Variants in ST6GALNAC5 observed in about 807,000 individuals in gnomAD.
ST6GALNAC5 encodes the protein ST6 N-acetylgalactosaminide alpha-2,6-sialyltransferase 5.
Under a neutral mutation model 33.6 loss-of-function variants are expected in ST6GALNAC5, and 27 were observed. The observed-to-expected ratio is 0.80, with a 90% CI of 0.59 to 1.11. The LOEUF (loss-of-function observed/expected upper bound fraction) is 1.11. Among genes scored for constraint, ST6GALNAC5 ranks in the 50% least tolerant of loss-of-function variants. The probability of loss-of-function intolerance (pLI) is 0.00; values close to 1 mark genes in which losing one functional copy is unlikely to be tolerated. For synonymous variants in ST6GALNAC5, 194 were observed against 171.2 expected (o/e 1.13, Z -1.04); for missense variants, 428 against 454.0 (o/e 0.94, Z 0.52).
intron 2 of ST6GALNAC5, among the ~76,000 whole-genome samples, chr1:76,947,283 C>T (rs1647554897): frequency 6.6e-6 from 1 of 152,026 alleles, no homozygotes; most frequent in Admixed American, 6.6e-5. Context: ...TAAGCTCTTT[C>T]AACGAAATAA....
At chr1:77,016,161 T>TCCTCCTCCTCCTCTATCTCCTCCC (rs1557762246) in intron 2 of ST6GALNAC5, among the ~76,000 whole-genome samples, 495 of 11,288 alleles carry the variant, frequency 0.044, 228 homozygotes, top group African/African-American at 0.17. Flanking sequence ...TATCTTCCCC[T>TCCTCCTCCTCCTCTATCTCCTCCC]CCTCCTCCTC....
At chr1:77,026,911 C>T (rs1177431329) in intron 2 of ST6GALNAC5, among the ~76,000 whole-genome samples, 1 of 152,182 alleles carries the variant, frequency 6.6e-6, no homozygotes, top group Non-Finnish European at 1.5e-5. Context: ...CAGGCTTGTC[C>T]CCAAACTGAT....
At chr1:77,052,081 A>G (rs983113844) in intron 4 of ST6GALNAC5, among the ~76,000 whole-genome samples, 7 of 152,250 alleles carry the variant, frequency 4.6e-5, no homozygotes, top group African/African-American at 1.7e-4. Context: ...ATGTCAATGC[A>G]TTACATATTG....
Position 76,949,353 on chromosome 1 carries a change from G to T in ST6GALNAC5, c.261+80611G>T, listed in dbSNP as rs76579762. On this transcript the variant is annotated intron_variant, in intron 2 of 4. Coordinates refer to ENST00000477717, the MANE Select transcript of ST6GALNAC5 (RefSeq NM_030965.3). ...GAACATGGCCTGTTTGGGCCTGTTT[G>T]GGGCTCAGTTTTGCCATCAGAGATG... is the stretch of plus-strand genomic sequence containing the variant. 7.3e-3 allele frequency among the ~76,000 whole-genome samples: 1,109 copies of T among 152,260 alleles called. 6 individuals are homozygous for T. Among genetic ancestry groups the T allele is most frequent in the South Asian group, 0.032 (153 of 4,826 alleles).
chr1:76,905,054 C>A (rs921728528), intron 2 of ST6GALNAC5, among the ~76,000 whole-genome samples: 2 of 152,084 alleles, frequency 1.3e-5, no homozygotes, highest in African/African-American at 4.8e-5. Flanking sequence ...TATGAAAATT[C>A]TTTCAGTTGT....
In ST6GALNAC5 at chr1:76,968,645, C is replaced by G. The variant is rs575169687; in HGVS notation, c.262-75559C>G. The stretch of plus-strand genomic sequence containing the variant: ...ATTATGATGTTAGCTGGTTATTTTG[C>G]CCATTAGTTGATGCAGTTTCTTCCT... On this transcript the variant is annotated intron_variant, in intron 2 of 4. Transcript: ENST00000477717. Among the ~76,000 whole-genome samples the G allele has an allele frequency of 2.0e-5, 3 of 152,234 alleles. No individual in the cohort carries two copies. The South Asian group carries it at 6.2e-4, about 32-fold the overall frequency.
At chr1:77,025,650 C>T (rs2350525) in intron 2 of ST6GALNAC5, among the ~76,000 whole-genome samples, 12 of 152,034 alleles carry the variant, frequency 7.9e-5, no homozygotes, top group Non-Finnish European at 8.8e-5. Flanking sequence ...GTGGGGTGAC[C>T]AGTTGGGGGT....
In ST6GALNAC5 at chr1:76,876,081, A is replaced by C. The variant is rs568216263; in HGVS notation, c.261+7339A>C. ...CACGGAAGGTAGTCTTGGCAGAAGC[A>C]TTGTGTGCAGGATAGGCAAACACGT... On this transcript the variant is annotated intron_variant, in intron 2 of 4. Transcript: ENST00000477717. 2.3e-3 allele frequency among the ~76,000 whole-genome samples: 345 copies of C among 152,352 alleles called. 6 individuals are homozygous for C. The highest frequency in any genetic ancestry group is 7.9e-3 in the African/African-American group (329 of 41,590).
intron 2 of ST6GALNAC5, among the ~76,000 whole-genome samples, chr1:76,880,060 G>A (rs934743460): frequency 2.6e-5 from 4 of 152,172 alleles, no homozygotes; most frequent in East Asian, 1.9e-4. Context: ...CTGAAGCCAG[G>A]AGACAGAATC....
chr1:76,999,746 T>A (rs1000022343), intron 2 of ST6GALNAC5, among the ~76,000 whole-genome samples: 1 of 146,612 alleles, frequency 6.8e-6, no homozygotes, highest in African/African-American at 2.5e-5. Flanking sequence ...CAGTGTTTGG[T>A]TTTTTGTTCT....
At chr1:77,006,586 T>C (rs1650429449) in intron 2 of ST6GALNAC5, among the ~76,000 whole-genome samples, 1 of 152,102 alleles carries the variant, frequency 6.6e-6, no homozygotes, top group South Asian at 2.1e-4. Context: ...ACCTCCAAAG[T>C]GCTGGAATTA....
chr1:76,868,904 A>G lies in ST6GALNAC5; in HGVS notation c.261+162A>G, dbSNP rs1653431043. On this transcript the variant is annotated intron_variant, in intron 2 of 4. Coordinates refer to ENST00000477717, the MANE Select transcript of ST6GALNAC5 (RefSeq NM_030965.3). This position sits in a 1 kb window ranked among gnomAD's most constrained non-coding sequence, Gnocchi z 4.3. ...TAGGGTGGGCTAGTTCCAACTTGGT[A>G]TGAATTCTTATTTGGAGAAAGACAC... 8.7e-7 allele frequency: 1 copy of G among 1,148,334 alleles called. No individual in the cohort carries two copies. The highest frequency in any genetic ancestry group is 3.3e-5 in the Admixed American group (1 of 29,960). The allele number at this position is 1,148,334 out of a possible 1,614,324, so 71.1% of individuals were successfully genotyped here.
chr1:76,914,381 A>G (rs1646946526), intron 2 of ST6GALNAC5, among the ~76,000 whole-genome samples: 1 of 152,164 alleles, frequency 6.6e-6, no homozygotes, highest in South Asian at 2.1e-4. Context: ...CCGCATCGCC[A>G]AGTCAATCCT....
At chr1:76,918,136 T>C (rs1646993540) in intron 2 of ST6GALNAC5, among the ~76,000 whole-genome samples, 1 of 152,202 alleles carries the variant, frequency 6.6e-6, no homozygotes, top group African/African-American at 2.4e-5. Context: ...GTTATTCAGC[T>C]GGGTAGAAAT....
intron 2 of ST6GALNAC5, among the ~76,000 whole-genome samples, chr1:76,880,787 A>G (rs1653762294): frequency 6.6e-6 from 1 of 152,206 alleles, no homozygotes. Flanking sequence ...CCCCAATCCA[A>G]TCAAGTTGAC....
At chr1:76,903,651 G>A (rs1370822034) in intron 2 of ST6GALNAC5, among the ~76,000 whole-genome samples, 1 of 152,042 alleles carries the variant, frequency 6.6e-6, no homozygotes, top group Non-Finnish European at 1.5e-5. Flanking sequence ...GTTAACTGTT[G>A]AATAGATAAA....
intron 2 of ST6GALNAC5, among the ~76,000 whole-genome samples, chr1:76,946,786 A>C (rs1229954877): frequency 1.3e-5 from 2 of 152,160 alleles, no homozygotes; most frequent in African/African-American, 2.4e-5. Flanking sequence ...TGTGAATATA[A>C]GGATAAACAC....
chr1:77,044,042 G>A (rs972670709), intron 2 of ST6GALNAC5, among the ~76,000 whole-genome samples, 162 bp from the exon 3 acceptor site: 5 of 152,062 alleles, frequency 3.3e-5, no homozygotes, highest in South Asian at 2.1e-4. Flanking sequence ...AGAAGAGAAC[G>A]CAAGGGTCCA....
intron 2 of ST6GALNAC5, among the ~76,000 whole-genome samples, chr1:76,871,610 T>C (rs766617589): frequency 2.0e-5 from 3 of 152,210 alleles, no homozygotes; most frequent in Admixed American, 1.3e-4. Flanking sequence ...TGAATTACTG[T>C]TGAGATTAAA....
Sources: allele counts gnomAD v4.1 joint callset (sites outside exome capture counted in the v4.1 genomes callset), GRCh38; gene constraint gnomAD v4.1.1; non-coding constraint Gnocchi (gnomAD v3.1); transcripts MANE v1.5; gene names NCBI Gene and HGNC (gene_info 2026-07-23, HGNC 2026-07-21).